Variants in RNF13 observed in about 807,000 individuals in gnomAD.
RNF13 encodes the protein E3 ubiquitin-protein ligase RNF13.
A neutral mutation model predicts 37.7 loss-of-function variants in RNF13; 19 were observed. The ratio of observed to expected loss-of-function variants is 0.50; its 90% confidence interval spans 0.35 to 0.74. The LOEUF (loss-of-function observed/expected upper bound fraction) is 0.74. RNF13 is among the 30% of genes least tolerant of loss of function. RNF13 has a pLI of 0.01. For missense variants in RNF13, 375 were observed against 453.0 expected, an observed-to-expected ratio of 0.83 and a Z score of 1.56; for synonymous variants, 144 against 157.8, an observed-to-expected ratio of 0.91 and a Z score of 0.65.
At chr3:149,909,303 C>G (rs1716741586) in intron 6 of RNF13, among the ~76,000 whole-genome samples, 1 of 151,010 alleles carries the variant, frequency 6.6e-6, no homozygotes, top group Admixed American at 6.6e-5. Flanking sequence ...GAGACAAAGC[C>G]TCACTATGTC....
chr3:149,869,756 C>G (rs79875171), intron 3 of RNF13, among the ~76,000 whole-genome samples: 2,150 of 151,856 alleles, frequency 0.014, 63 homozygotes, highest in Non-Finnish European at 0.023. Flanking sequence ...GTTATTTATT[C>G]TGTTCTTCTC....
intron 3 of RNF13, among the ~76,000 whole-genome samples, chr3:149,856,182 A>G (rs900496802): frequency 2.0e-5 from 3 of 152,076 alleles, no homozygotes; most frequent in Non-Finnish European, 2.9e-5. Context: ...TAGGGCAAGA[A>G]GAGAAGTGAA....
At chr3:149,868,853 C>G (rs1403942102) in intron 3 of RNF13, among the ~76,000 whole-genome samples, 1 of 151,708 alleles carries the variant, frequency 6.6e-6, no homozygotes, top group Non-Finnish European at 1.5e-5. Context: ...TCTGTTTGTT[C>G]TCTGACCTTC....
At chr3:149,941,070 A>G (rs141184031) in intron 8 of RNF13, among the ~76,000 whole-genome samples, 347 of 152,298 alleles carry the variant, frequency 2.3e-3, no homozygotes, top group South Asian at 7.2e-3. Context: ...TTTTATGTAT[A>G]TACCATTTTC....
chr3:149,928,497 A>G (rs1718867949), intron 8 of RNF13, among the ~76,000 whole-genome samples: 2 of 152,098 alleles, frequency 1.3e-5, no homozygotes, highest in African/African-American at 4.8e-5. Flanking sequence ...GGTTTTATTT[A>G]TGGACTCTCA....
chr3:149,863,894 A>T (rs1282845145), intron 3 of RNF13, among the ~76,000 whole-genome samples: 1 of 151,760 alleles, frequency 6.6e-6, no homozygotes, highest in African/African-American at 2.4e-5. Context: ...TGTACTGATT[A>T]TATGGCAATT....
Position 149,960,875 on chromosome 3 carries a change from C to A in RNF13, c.917C>A (p.Thr306Lys). 6.2e-7 allele frequency: 1 copy of A among 1,614,188 alleles called. No homozygotes were observed. Among genetic ancestry groups the A allele is most frequent in the Non-Finnish European group, 8.5e-7 (1 of 1,180,032 alleles). Reference protein sequence around the residue: ...TDSSQEENEVTEHTPLLRPLA... With the variant: ...TDSSQEENEVKEHTPLLRPLA... ...AGTAGTCAAGAAGAAAATGAAGTGA[C>A]AGAACATACCCCTTTACTGAGACCT... is the stretch of plus-strand genomic sequence containing the variant. Residue 306 changes from threonine to lysine, a missense_variant, in exon 10 of 10, where the codon ACA becomes AAA. Thr to Lys is a moderately conservative substitution (Grantham distance 78, BLOSUM62 -1). Transcript: ENST00000392894.
intron 8 of RNF13, among the ~76,000 whole-genome samples, chr3:149,936,856 A>G (rs544976390): frequency 3.9e-5 from 6 of 152,098 alleles, no homozygotes; most frequent in African/African-American, 1.4e-4. Context: ...TTGGTCTTTC[A>G]GGTGTCGTTT....
chr3:149,924,701 G>A (rs767895946), intron 8 of RNF13, among the ~76,000 whole-genome samples: 6 of 152,158 alleles, frequency 3.9e-5, no homozygotes, highest in East Asian at 1.9e-4. Flanking sequence ...AGAGAGAATG[G>A]TGGAAAGAGA....
intron 4 of RNF13, among the ~76,000 whole-genome samples, chr3:149,876,998 T>G (rs1205314305): frequency 6.6e-6 from 1 of 152,046 alleles, no homozygotes; most frequent in Non-Finnish European, 1.5e-5. Flanking sequence ...CAGGCTAGTC[T>G]TGAACTCCTG....
At chr3:149,953,585 A>G (rs977489848) in intron 8 of RNF13, among the ~76,000 whole-genome samples, 4 of 152,238 alleles carry the variant, frequency 2.6e-5, no homozygotes, top group African/African-American at 7.2e-5. Context: ...TCTTAACACT[A>G]TGAATCGAAG....
At chr3:149,897,141 T>G (rs1715353747) in intron 5 of RNF13, among the ~76,000 whole-genome samples, 1 of 152,246 alleles carries the variant, frequency 6.6e-6, no homozygotes, top group African/African-American at 2.4e-5. Flanking sequence ...GTGATCTGTA[T>G]ACATTTACTG....
chr3:149,819,404 A>C (rs1185673683), intron 1 of RNF13, among the ~76,000 whole-genome samples: 1 of 152,154 alleles, frequency 6.6e-6, no homozygotes, highest in Non-Finnish European at 1.5e-5. Context: ...AAAATAAGCC[A>C]TAGTATTTTA....
intron 5 of RNF13, among the ~76,000 whole-genome samples, chr3:149,901,085 G>A (rs1715783791): frequency 6.6e-6 from 1 of 152,110 alleles, no homozygotes; most frequent in Admixed American, 6.6e-5. Context: ...AACTGTAGTT[G>A]TGGTTATAAT....
intron 4 of RNF13, among the ~76,000 whole-genome samples, chr3:149,891,927 A>C (rs568790889): frequency 2.0e-5 from 3 of 152,188 alleles, no homozygotes; most frequent in Non-Finnish European, 1.5e-5. Flanking sequence ...TTTGACTGAC[A>C]CATGAGTTTT....
intron 1 of RNF13, among the ~76,000 whole-genome samples, chr3:149,818,964 G>A (rs1261148477): frequency 6.6e-6 from 1 of 152,058 alleles, no homozygotes; most frequent in Non-Finnish European, 1.5e-5. Context: ...TTATCTATGA[G>A]GTTGGAATAG....
At chr3:149,898,912 C>T (rs1179777304) in intron 5 of RNF13, among the ~76,000 whole-genome samples, 2 of 152,070 alleles carry the variant, frequency 1.3e-5, no homozygotes, top group South Asian at 2.1e-4. Flanking sequence ...ATTTGAGCAC[C>T]GATCTAAAGT....
At chr3:149,823,630 A>G (rs1720206571) in intron 1 of RNF13, among the ~76,000 whole-genome samples, 1 of 152,214 alleles carries the variant, frequency 6.6e-6, no homozygotes, top group South Asian at 2.1e-4. Flanking sequence ...CAGCAAGAAA[A>G]TAGACAAAGT....
intron 2 of RNF13, among the ~76,000 whole-genome samples, chr3:149,848,162 A>T (rs997737256): frequency 1.3e-5 from 2 of 152,220 alleles, no homozygotes; most frequent in Non-Finnish European, 2.9e-5. Context: ...CCTTGAGAAG[A>T]TACAAAACTA....
Sources: gnomAD v4.1 joint callset for allele counts (sites outside exome capture counted in the v4.1 genomes callset) on GRCh38, gnomAD v4.1.1 for gene constraint, MANE v1.5 for transcripts, NCBI Gene and HGNC (gene_info 2026-07-23, HGNC 2026-07-21) for gene names.